HIRA: variants seen among roughly 807,000 people sequenced by gnomAD.
HIRA encodes protein HIRA.
A neutral mutation model predicts 126.6 loss-of-function variants in HIRA; 13 were observed. The ratio of observed to expected loss-of-function variants is 0.10; its 90% CI spans 0.07 to 0.16. The LOEUF (loss-of-function observed/expected upper bound fraction) is 0.16, where lower values mean the gene tolerates loss of function less well. HIRA is among the 10% of genes least tolerant of loss of function. The pLI, the probability that HIRA is intolerant of heterozygous loss-of-function variation, is 1.00. For synonymous variants in HIRA, 511 were observed against 520.0 expected (o/e 0.98, Z 0.24); for missense variants, 834 against 1,314.4 (o/e 0.63, Z 5.65).
At chr22:19,372,271 T>C (rs2088973484) in intron 15 of HIRA, among the ~76,000 whole-genome samples, 1 of 152,262 alleles carries the variant, frequency 6.6e-6, no homozygotes, top group Non-Finnish European at 1.5e-5. Flanking sequence ...ATCTTTTAAT[T>C]ACAGACCTCC....
intron 1 of HIRA, among the ~76,000 whole-genome samples, chr22:19,430,453 T>G (rs2089523543): frequency 6.6e-6 from 1 of 152,174 alleles, no homozygotes; most frequent in Non-Finnish European, 1.5e-5. Context: ...TGTTAAAATA[T>G]CTATTCTCGC....
chr22:19,343,578 T>C (rs1250074521), intron 24 of HIRA, among the ~76,000 whole-genome samples: 1 of 151,882 alleles, frequency 6.6e-6, no homozygotes, highest in Non-Finnish European at 1.5e-5. Flanking sequence ...ATCTACAACA[T>C]CGTGGAAGTT....
At chr22:19,411,016 T>C (rs2089347756) in intron 1 of HIRA, among the ~76,000 whole-genome samples, 1 of 152,198 alleles carries the variant, frequency 6.6e-6, no homozygotes, top group South Asian at 2.1e-4. Flanking sequence ...TATGAGCTGT[T>C]CATGATTGAA....
rs770511255 is a variant in HIRA, at chr22:19,331,077, C to T, written c.*363G>A. ...GATTCTCTCTCACAAATGGCTCAAT[C>T]GTCACTGCTGAAGCAGCATGGTGCC... is the stretch of plus-strand genomic sequence containing the variant. On this transcript the variant is annotated 3_prime_UTR_variant, in exon 25 of 25. Coordinates refer to ENST00000263208, the MANE Select transcript of HIRA (RefSeq NM_003325.4). 5.6e-5 allele frequency: 64 copies of T among 1,138,564 alleles called. No individual in the cohort carries two copies. Among genetic ancestry groups the T allele is most frequent in the Non-Finnish European group, 6.5e-5 (58 of 887,946 alleles). 70.5% of individuals were successfully genotyped at this position (1,138,564 alleles called of 1,614,324 possible).
intron 5 of HIRA, among the ~76,000 whole-genome samples, chr22:19,400,852 A>G (rs1002051685): frequency 2.6e-5 from 4 of 152,036 alleles, no homozygotes; most frequent in Admixed American, 2.6e-4. Context: ...GAGGCCTTCC[A>G]TGACAAATCA....
intron 19 of HIRA, 87 bp from the exon 20 acceptor site, chr22:19,356,375 C>T: frequency 8.8e-7 from 1 of 1,137,706 alleles, no homozygotes; most frequent in Non-Finnish European, 1.3e-6. Context: ...CCTGGCCCTA[C>T]TGCATGCGAC....
intron 24 of HIRA, among the ~76,000 whole-genome samples, chr22:19,340,734 G>C (rs1461977895): frequency 6.6e-6 from 1 of 152,098 alleles, no homozygotes. Context: ...TGACCAAGCT[G>C]AGAATCAAAT....
At chr22:19,375,871 C>A (rs1363018046) in intron 14 of HIRA, 79 bp from the exon 15 acceptor site, 1 of 1,463,242 alleles carries the variant, frequency 6.8e-7, no homozygotes, top group Non-Finnish European at 9.3e-7. Flanking sequence ...TTATTTGGAG[C>A]CTACTAAAAA....
chr22:19,403,469 G>A (rs1231104417), intron 5 of HIRA, among the ~76,000 whole-genome samples: 1 of 151,696 alleles, frequency 6.6e-6, no homozygotes, highest in Non-Finnish European at 1.5e-5. Context: ...AAAAGTGGCC[G>A]GGTGTGGTGG....
At chr22:19,343,665 C>T (rs782480776) in intron 24 of HIRA, among the ~76,000 whole-genome samples, 2 of 151,902 alleles carry the variant, frequency 1.3e-5, no homozygotes, top group Admixed American at 6.6e-5. Context: ...GTGGCTTACA[C>T]CTGTAATCCC....
chr22:19,379,764 C>T (rs1235792994), intron 13 of HIRA, among the ~76,000 whole-genome samples: 1 of 149,610 alleles, frequency 6.7e-6, no homozygotes, highest in Non-Finnish European at 1.5e-5. Flanking sequence ...AAAAAAATTC[C>T]TTATATGGTA....
At chr22:19,381,804 T>C (rs1317253553) in intron 13 of HIRA, among the ~76,000 whole-genome samples, 1 of 152,218 alleles carries the variant, frequency 6.6e-6, no homozygotes, top group Non-Finnish European at 1.5e-5. Context: ...ACATTTCTTC[T>C]CCATGCACTA....
Position 19,423,191 on chromosome 22 carries a change from G to A in HIRA, c.37+8249C>T, listed in dbSNP as rs185415535. Among the ~76,000 whole-genome samples, 25 of 152,178 alleles carry A rather than the reference G, an allele frequency of 1.6e-4. No individual in the cohort carries two copies. The East Asian group carries it at 3.7e-3, about 22-fold the overall frequency. Reference sequence around the variant, plus strand: ...CTTTTCACTCAGGCTTTGCCAAAGCGTCCCACTTAAACCCGTCTATCCCCC... The same window carrying A: ...CTTTTCACTCAGGCTTTGCCAAAGCATCCCACTTAAACCCGTCTATCCCCC... On this transcript the variant is annotated intron_variant, in intron 1 of 24. Transcript: ENST00000263208.
rs761905974 is a variant in HIRA at position 19,408,526 on chromosome 22, A to G, written c.168T>C (p.Asp56=). Residue 56 remains aspartate, a synonymous_variant, in exon 3 of 25, where the codon GAT becomes GAC. Transcript: ENST00000263208. ...SPVLQEDDEK[D]ENIPKMLCQM... is the part of the protein sequence containing the mutation. ...GGCAAAGCATCTTGGGAATATTTTC[A>G]TCCTTCTCGTCATCCTCCTGGAGGA... The G allele has an allele frequency of 6.2e-7, 1 of 1,613,800 alleles. No individual in the cohort carries two copies. Among genetic ancestry groups the G allele is most frequent in the South Asian group, 1.1e-5 (1 of 91,084 alleles).
At position 19,354,025 on chromosome 22, in the gene HIRA, C is replaced by A; in HGVS notation, c.2655G>T (p.Pro885=). Residue 885 remains proline (P), a synonymous_variant, in exon 22 of 25, where the codon CCG becomes CCT. Transcript: ENST00000263208. ...AGGTGCGGCCCTGGATTATGGCTAA[C>A]GGTCCTGAGCACAGCATGGCGTCCT... ...PSQDAMLCSG[P]LAIIQGRTSN... 1 of 1,613,322 alleles carries A rather than the reference C, an allele frequency of 6.2e-7. No individual in the cohort carries two copies. Among genetic ancestry groups the A allele is most frequent in the South Asian group, 1.1e-5 (1 of 90,810 alleles).
rs782725562 is a variant in HIRA at position 19,353,332 on chromosome 22, G to C, written c.2848+24C>G. On this transcript the variant is annotated intron_variant, in intron 23 of 24. Coordinates refer to ENST00000263208, the MANE Select transcript of HIRA (RefSeq NM_003325.4). The stretch of plus-strand genomic sequence containing the variant: ...GATGGAGGGGCAGAAGGAGAAGGCT[G>C]CTCAGGGCTGCCAGGAGCCTCACCT... 3 of 1,612,082 alleles carry C rather than the reference G, an allele frequency of 1.9e-6. No homozygotes were observed. In the Admixed American group the frequency reaches 5.0e-5, roughly 27 times the overall value.
Position 19,331,564 on chromosome 22 carries a change from C to T in HIRA, c.2938-8G>A. ...CTCCCTCTTCCGCAGACCCTGTGGA[C>T]ACAGAGTGACAGCTGAGTGCAAGTG... On this transcript the variant is annotated splice_region_variant and splice_polypyrimidine_tract_variant and intron_variant, in intron 24 of 24. Transcript: ENST00000263208. 6.3e-7 allele frequency: 1 copy of T among 1,582,480 alleles called. No homozygotes were observed. The highest frequency in any genetic ancestry group is 8.6e-7 in the Non-Finnish European group (1 of 1,160,858).
rs2088861875 is a variant in HIRA, at chr22:19,361,336, T to C, written c.1986A>G (p.Pro662=). 7 of 1,614,034 alleles carry C rather than the reference T, an allele frequency of 4.3e-6. No homozygotes were observed. The highest frequency in any genetic ancestry group is 1.6e-4 in the Middle Eastern group (1 of 6,062). Residue 662 remains proline (P), a synonymous_variant, in exon 17 of 25, where the codon CCA becomes CCG. Coordinates refer to ENST00000263208, the MANE Select transcript of HIRA (RefSeq NM_003325.4). ...LMPVSLSVQS[P]AALTAEKEAM... ...CCTCCTTCTCTGCGGTTAGGGCAGC[T>C]GGAGACTGGAAGAGCCAGAAACGTT... is the stretch of plus-strand genomic sequence containing the variant.
intron 20 of HIRA, 67 bp from the exon 21 acceptor site, chr22:19,355,932 G>A: frequency 1.8e-6 from 2 of 1,132,568 alleles, no homozygotes; most frequent in South Asian, 2.6e-5. Context: ...ACATATCAAA[G>A]GAGAAATCTG....
Sources: gnomAD v4.1 joint callset for allele counts (sites outside exome capture counted in the v4.1 genomes callset) on GRCh38, gnomAD v4.1.1 for gene constraint, MANE v1.5 for transcripts, NCBI Gene and HGNC (gene_info 2026-07-23, HGNC 2026-07-21) for gene names.